PTH1R: variants seen among roughly 807,000 people sequenced by gnomAD.
PTH1R encodes parathyroid hormone/parathyroid hormone-related peptide receptor.
PTH1R carries 32 observed loss-of-function variants against 70.7 expected under a neutral mutation model. The ratio of observed to expected loss-of-function variants is 0.45; its 90% confidence interval spans 0.34 to 0.61. The LOEUF is 0.61. PTH1R is among the 20% of genes least tolerant of loss of function. The pLI, the probability that PTH1R is intolerant of heterozygous loss-of-function variation, is 0.01. For synonymous variants in PTH1R, 329 were observed against 324.8 expected (o/e 1.01, Z -0.14); for missense variants, 626 against 792.5 (o/e 0.79, Z 2.52).
In PTH1R at chr3:46,879,997, C is replaced by T. The variant is rs2030453728; in HGVS notation, c.-105-1065C>T. The stretch of plus-strand genomic sequence containing the variant: ...GAGGTTGCAGTCAGCCGAGATCGCA[C>T]CACTGCACTCCAGCCTGGCCAACAG... On this transcript the variant is annotated intron_variant, in intron 1 of 15. Transcript: ENST00000449590. This position sits in a 1 kb window ranked among gnomAD's most constrained non-coding sequence, Gnocchi z 4.7. Among the ~76,000 whole-genome samples, 1 of 152,134 alleles carries T rather than the reference C, an allele frequency of 6.6e-6. No homozygotes were observed. Among genetic ancestry groups the T allele is most frequent in the South Asian group, 2.1e-4 (1 of 4,824 alleles).
chr3:46,897,486 C>G (rs542675471), intron 5 of PTH1R, among the ~76,000 whole-genome samples: 52 of 152,272 alleles, frequency 3.4e-4, no homozygotes, highest in African/African-American at 1.2e-3. Context: ...AATCCCAGCA[C>G]TTTGGGAGGC....
Position 46,901,653 on chromosome 3 carries a change from CA to C in PTH1R, c.1117-111del. On this transcript the variant is annotated intron_variant, in intron 12 of 15. Transcript: ENST00000449590. This position sits in a 1 kb window ranked among gnomAD's most constrained non-coding sequence, Gnocchi z 7.3. ...AGCCCAGAAAGGAAAACCAAGGGCT[CA>C]AGGAGCCACCCAGAGATGCAGTGAC... 1 of 1,400,972 alleles carries C rather than the reference CA, an allele frequency of 7.1e-7. No homozygotes were observed. Among genetic ancestry groups the C allele is most frequent in the Non-Finnish European group, 1.0e-6 (1 of 996,890 alleles). The allele number at this position is 1,400,972 out of a possible 1,614,324, so 86.8% of individuals were successfully genotyped here. A position where few individuals can be genotyped will look rare whatever the true frequency, so the allele number is the denominator to read the frequency against.
chr3:46,903,693 T>C lies in PTH1R; in HGVS notation c.*37T>C, dbSNP rs772680499. On this transcript the variant is annotated 3_prime_UTR_variant, in exon 16 of 16. Transcript: ENST00000449590. The surrounding 1 kb of genome is among the most constrained non-coding windows in gnomAD (Gnocchi z 4.4). ...GGGCTGGACCTGCTGACATAGTGGATGGACAGATGGACCAAAAGATGGGTG... is the reference window on the plus strand; with the variant it reads ...GGGCTGGACCTGCTGACATAGTGGACGGACAGATGGACCAAAAGATGGGTG... 1.6e-5 allele frequency: 26 copies of C among 1,600,588 alleles called. No homozygotes were observed. The highest frequency in any genetic ancestry group is 2.0e-5 in the Non-Finnish European group (24 of 1,179,684).
rs1357867550 is a variant in PTH1R, at chr3:46,896,068, A to G, written c.313+199A>G. Among the ~76,000 whole-genome samples the G allele has an allele frequency of 6.6e-6, 1 of 152,224 alleles. No homozygotes were observed. The highest frequency in any genetic ancestry group is 1.5e-5 in the Non-Finnish European group (1 of 68,042). On this transcript the variant is annotated intron_variant, in intron 5 of 15. Coordinates refer to ENST00000449590, the MANE Select transcript of PTH1R (RefSeq NM_000316.3). The surrounding 1 kb of genome is among the most constrained non-coding windows in gnomAD (Gnocchi z 4.1). ...GAGCTAGATGGCTCAGGCCTCAGAA[A>G]GAGATGAACAGAGAACTCTCCAGCA...
rs2031489464 is a variant in PTH1R, at chr3:46,892,594, C to A, written c.76-1313C>A. 1.7e-5 allele frequency: 5 copies of A among 291,956 alleles called. No homozygotes were observed. The highest frequency in any genetic ancestry group is 2.6e-5 in the Non-Finnish European group (5 of 193,774). The allele number at this position is 291,956 out of a possible 1,614,324, so 18.1% of individuals were successfully genotyped here. On this transcript the variant is annotated intron_variant, in intron 3 of 15. Transcript: ENST00000449590. The surrounding 1 kb of genome is among the most constrained non-coding windows in gnomAD (Gnocchi z 5.2). Reference sequence around the variant, plus strand: ...AGCCCTCGCTGCTGCCGCCAAGAGACGCGGTCAATTAACTTCTCCCTGCAG... The same window carrying A: ...AGCCCTCGCTGCTGCCGCCAAGAGAAGCGGTCAATTAACTTCTCCCTGCAG...
At chr3:46,898,918 C>G (rs971267155) in intron 9 of PTH1R, 61 bp downstream of exon 9, 1 of 1,215,944 alleles carries the variant, frequency 8.2e-7, no homozygotes, top group Non-Finnish European at 1.1e-6. Context: ...GGCCCCGCCC[C>G]GCCCCGCTCC....
intron 4 of PTH1R, among the ~76,000 whole-genome samples, chr3:46,895,098 A>AC (rs2031671792): frequency 6.6e-6 from 1 of 151,092 alleles, no homozygotes; most frequent in Non-Finnish European, 1.5e-5. Flanking sequence ...CAAACAAAAA[A>AC]AAAAAACGTC....
rs1559538226 is a variant in PTH1R, at chr3:46,901,795, C to G, written c.1146C>G (p.Val382=). The G allele has an allele frequency of 6.2e-7, 1 of 1,614,112 alleles. No individual in the cohort carries two copies. The highest frequency in any genetic ancestry group is 1.1e-5 in the South Asian group (1 of 91,084). ...VLNFILFINI[V]RVLATKLRET... Reference sequence around the variant, plus strand: ...ACTTCATCCTCTTCATCAATATCGTCCGGGTGCTCGCCACCAAGCTGCGGG... The same window carrying G: ...ACTTCATCCTCTTCATCAATATCGTGCGGGTGCTCGCCACCAAGCTGCGGG... The change falls in exon 13 of 16, where the codon GTC becomes GTG. Residue 382 remains valine, a synonymous_variant. Transcript: ENST00000449590. The surrounding 1 kb of genome is among the most constrained non-coding windows in gnomAD (Gnocchi z 7.3).
In PTH1R at chr3:46,896,258, G is replaced by T. The variant is rs1252067483; in HGVS notation, c.313+389G>T. ...GGAGACAGAGATCAACAGAGGCAGG[G>T]AGAGACAGTCACAGAGATAGAGGGG... On this transcript the variant is annotated intron_variant, in intron 5 of 15. Coordinates refer to ENST00000449590, the MANE Select transcript of PTH1R (RefSeq NM_000316.3). The surrounding 1 kb of genome is among the most constrained non-coding windows in gnomAD (Gnocchi z 4.1). 6.6e-6 allele frequency among the ~76,000 whole-genome samples: 1 copy of T among 152,150 alleles called. No homozygotes were observed. The highest frequency in any genetic ancestry group is 1.5e-5 in the Non-Finnish European group (1 of 68,028).
At chr3:46,900,227 C>T (rs1321015983) in intron 10 of PTH1R, among the ~76,000 whole-genome samples, 2 of 152,150 alleles carry the variant, frequency 1.3e-5, no homozygotes, top group Non-Finnish European at 2.9e-5. Context: ...ATGACAAGCC[C>T]CAGAGTTGGG....
intron 3 of PTH1R, among the ~76,000 whole-genome samples, chr3:46,886,110 A>C (rs1457660024): frequency 6.6e-6 from 1 of 152,192 alleles, no homozygotes; most frequent in Non-Finnish European, 1.5e-5. Context: ...ATAGACCCAC[A>C]GATTGTGAGT....
rs958349208 is a variant in PTH1R at position 46,879,705 on chromosome 3, C to T, written c.-105-1357C>T. ...AAGGCTGCTGTGAGCCATGACCGTG[C>T]CACTGCACTCCAGCCTGGGTGACAC... On this transcript the variant is annotated intron_variant, in intron 1 of 15. Transcript: ENST00000449590. This position sits in a 1 kb window ranked among gnomAD's most constrained non-coding sequence, Gnocchi z 4.7. Among the ~76,000 whole-genome samples, 6 of 152,056 alleles carry T rather than the reference C, an allele frequency of 3.9e-5. No homozygotes were observed. Among genetic ancestry groups the T allele is most frequent in the Non-Finnish European group, 8.8e-5 (6 of 68,030 alleles).
Position 46,884,233 on chromosome 3 carries a change from C to G in PTH1R, c.75+599C>G, listed in dbSNP as rs1340289393. On this transcript the variant is annotated intron_variant, in intron 3 of 15. Coordinates refer to ENST00000449590, the MANE Select transcript of PTH1R (RefSeq NM_000316.3). This position sits in a 1 kb window ranked among gnomAD's most constrained non-coding sequence, Gnocchi z 4.8. ...AAGGAGACTGACCTCACAGTGCACC[C>G]CTGTAGGAGAAGCACAGCATATCCT... is the stretch of plus-strand genomic sequence containing the variant. Among the ~76,000 whole-genome samples, 1 of 152,112 alleles carries G rather than the reference C, an allele frequency of 6.6e-6. No homozygotes were observed. Among genetic ancestry groups the G allele is most frequent in the Non-Finnish European group, 1.5e-5 (1 of 68,014 alleles).
chr3:46,878,120 G>A (rs185263784), intron 1 of PTH1R, among the ~76,000 whole-genome samples: 13 of 152,284 alleles, frequency 8.5e-5, no homozygotes, highest in Middle Eastern at 6.8e-3. Flanking sequence ...TGCCCCCATC[G>A]CCCCTCCCTT....
chr3:46,884,391 G>A lies in PTH1R; in HGVS notation c.75+757G>A, dbSNP rs2030879246. 6.6e-6 allele frequency among the ~76,000 whole-genome samples: 1 copy of A among 151,846 alleles called. No individual in the cohort carries two copies. Among genetic ancestry groups the A allele is most frequent in the Admixed American group, 6.5e-5 (1 of 15,274 alleles). ...GTGGGGAGGAGAGATCCCCCCAGCT[G>A]GAGGGGTGGACAGACTAAGAACAGC... is the stretch of plus-strand genomic sequence containing the variant. On this transcript the variant is annotated intron_variant, in intron 3 of 15. Transcript: ENST00000449590. The surrounding 1 kb of genome is among the most constrained non-coding windows in gnomAD (Gnocchi z 4.8).
At chr3:46,890,693 G>T (rs1300981631) in intron 3 of PTH1R, among the ~76,000 whole-genome samples, 1 of 151,978 alleles carries the variant, frequency 6.6e-6, no homozygotes, top group Admixed American at 6.6e-5. Flanking sequence ...TAGAGACAAG[G>T]TTTCTCCATG....
In PTH1R at chr3:46,901,559, AC is replaced by A. The variant is rs2032121052; in HGVS notation, c.1116+81del. 5.0e-5 allele frequency: 75 copies of A among 1,506,378 alleles called. 3 individuals carry two copies. The South Asian group carries it at 8.8e-4, about 18-fold the overall frequency. 93.3% of individuals were successfully genotyped at this position (1,506,378 alleles called of 1,614,324 possible). A position where few individuals can be genotyped will look rare whatever the true frequency, so the allele number is the denominator to read the frequency against. On this transcript the variant is annotated intron_variant, in intron 12 of 15. Transcript: ENST00000449590. The surrounding 1 kb of genome is among the most constrained non-coding windows in gnomAD (Gnocchi z 7.3). ...CCCCTGGAACCAGCCCCTGACAGGG[AC>A]CTAGGAGGCTTCCCTGGACCCCAGT...
chr3:46,888,351 C>G (rs1410878809), intron 3 of PTH1R, among the ~76,000 whole-genome samples: 1 of 152,220 alleles, frequency 6.6e-6, no homozygotes, highest in Non-Finnish European at 1.5e-5. Context: ...GGCTTATGGA[C>G]AGAGCAGCAG....
rs952003997 is a variant in PTH1R, at chr3:46,884,288, C to T, written c.75+654C>T. Among the ~76,000 whole-genome samples, 3 of 152,164 alleles carry T rather than the reference C, an allele frequency of 2.0e-5. No individual in the cohort carries two copies. The highest frequency in any genetic ancestry group is 4.4e-5 in the Non-Finnish European group (3 of 68,018). ...GGAAGTGAGGAGACCCCTGGAAAGA[C>T]TGTCACTCCCTGAGAGTGACCTAAA... is the stretch of plus-strand genomic sequence containing the variant. On this transcript the variant is annotated intron_variant, in intron 3 of 15. Transcript: ENST00000449590. The surrounding 1 kb of genome is among the most constrained non-coding windows in gnomAD (Gnocchi z 4.8).
Sources: allele counts gnomAD v4.1 joint callset (sites outside exome capture counted in the v4.1 genomes callset), GRCh38; gene constraint gnomAD v4.1.1; non-coding constraint Gnocchi (gnomAD v3.1); transcripts MANE v1.5; gene names NCBI Gene and HGNC (gene_info 2026-07-23, HGNC 2026-07-21).